The following ERBB4 variants were observed in gnomAD, a reference collection of about 807,000 sequenced individuals.
The protein encoded by ERBB4 is receptor tyrosine-protein kinase erbB-4.
A neutral mutation model predicts 158.0 loss-of-function variants in ERBB4; 42 were observed. The ratio of observed to expected loss-of-function variants is 0.27; its 90% CI spans 0.21 to 0.34. The LOEUF (loss-of-function observed/expected upper bound fraction) is 0.34. ERBB4 is among the 10% of genes least tolerant of loss of function. ERBB4 has a pLI of 1.00. For missense variants in ERBB4, 1,333 were observed against 1,624.1 expected (o/e 0.82, Z 3.08); for synonymous variants, 583 against 558.7 (o/e 1.04, Z -0.61).
In ERBB4 at chr2:211,377,622, T is replaced by C; in HGVS notation, c.*5993A>G. 1 of 232,348 alleles carries C rather than the reference T, an allele frequency of 4.3e-6. No individual in the cohort carries two copies. Among genetic ancestry groups the C allele is most frequent in the East Asian group, 6.1e-5 (1 of 16,448 alleles). 14.4% of individuals were successfully genotyped at this position (232,348 alleles called of 1,614,324 possible). The stretch of plus-strand genomic sequence containing the variant: ...TGAATAGCCTTTACCTTTATGATAA[T>C]AAGACTCCTCATTTGGGAGAAAAAA... On this transcript the variant is annotated 3_prime_UTR_variant, in exon 28 of 28. Coordinates refer to ENST00000342788, the MANE Select transcript of ERBB4 (RefSeq NM_005235.3).
chr2:211,585,260 G>A (rs1436029226), intron 19 of ERBB4, among the ~76,000 whole-genome samples: 1 of 149,370 alleles, frequency 6.7e-6, no homozygotes. Context: ...ACTGAGGCAG[G>A]AGAATGGCGT....
At chr2:212,161,154 A>G (rs761832872) in intron 1 of ERBB4, among the ~76,000 whole-genome samples, 11 of 151,944 alleles carry the variant, frequency 7.2e-5, no homozygotes, top group Non-Finnish European at 1.5e-4. Context: ...AACAACTCAA[A>G]AAGTCTTTAA....
chr2:211,641,900 A>G (rs974730292), intron 16 of ERBB4, among the ~76,000 whole-genome samples: 1 of 148,408 alleles, frequency 6.7e-6, no homozygotes, highest in Non-Finnish European at 1.5e-5. Flanking sequence ...AAAGTAAATT[A>G]TAAGCCCCAT....
intron 1 of ERBB4, among the ~76,000 whole-genome samples, chr2:212,150,976 C>T (rs2080848338): frequency 6.6e-6 from 1 of 152,074 alleles, no homozygotes; most frequent in Non-Finnish European, 1.5e-5. Flanking sequence ...CCTTCTCCAA[C>T]AGAAATATTG....
At chr2:211,853,547 C>A (rs563089087) in intron 3 of ERBB4, among the ~76,000 whole-genome samples, 12 of 152,074 alleles carry the variant, frequency 7.9e-5, no homozygotes, top group Non-Finnish European at 1.6e-4. Flanking sequence ...AGATCATTAG[C>A]CTCTTTCCTT....
At chr2:212,374,711 G>A (rs368024123) in intron 1 of ERBB4, among the ~76,000 whole-genome samples, 1 of 151,806 alleles carries the variant, frequency 6.6e-6, no homozygotes, top group Non-Finnish European at 1.5e-5. Flanking sequence ...TCCATTCTTG[G>A]CCTCCAGAAA....
At chr2:211,765,625 A>G (rs1297084077) in intron 4 of ERBB4, among the ~76,000 whole-genome samples, 1 of 152,192 alleles carries the variant, frequency 6.6e-6, no homozygotes, top group Non-Finnish European at 1.5e-5. Context: ...CCTGTCCAGT[A>G]TACAACTATA....
chr2:211,830,295 G>T (rs997072782), intron 3 of ERBB4, among the ~76,000 whole-genome samples: 1 of 152,090 alleles, frequency 6.6e-6, no homozygotes, highest in East Asian at 1.9e-4. Flanking sequence ...ATCAGTATCT[G>T]CTTCCCTGAT....
intron 1 of ERBB4, among the ~76,000 whole-genome samples, chr2:212,513,790 C>A (rs748882544): frequency 2.5e-4 from 38 of 149,736 alleles, no homozygotes; most frequent in Admixed American, 5.3e-4. Context: ...CCAGCCTGGG[C>A]GACACGGCGA....
At chr2:211,818,295 A>T (rs2076921612) in intron 3 of ERBB4, among the ~76,000 whole-genome samples, 1 of 152,158 alleles carries the variant, frequency 6.6e-6, no homozygotes, top group African/African-American at 2.4e-5. Context: ...CTGTTGGTGC[A>T]GAAGTTGTGG....
At chr2:211,818,048 ATTGT>A (rs2076915893) in intron 3 of ERBB4, among the ~76,000 whole-genome samples, 1 of 152,088 alleles carries the variant, frequency 6.6e-6, no homozygotes, top group Admixed American at 6.6e-5. Flanking sequence ...GATATTACAC[ATTGT>A]TTTTCTCTTC....
intron 1 of ERBB4, among the ~76,000 whole-genome samples, chr2:212,437,171 T>A (rs2092156372): frequency 6.6e-6 from 1 of 152,060 alleles, no homozygotes; most frequent in South Asian, 2.1e-4. Flanking sequence ...GTGGTCTTTT[T>A]TCTGCATTCC....
chr2:211,972,836 C>T (rs999824376), intron 2 of ERBB4, among the ~76,000 whole-genome samples: 4 of 152,136 alleles, frequency 2.6e-5, no homozygotes, highest in Non-Finnish European at 4.4e-5. Context: ...ATTTAGGACA[C>T]AGACACAGGC....
intron 8 of ERBB4, among the ~76,000 whole-genome samples, chr2:211,712,575 T>C (rs2073740724): frequency 6.6e-6 from 1 of 152,134 alleles, no homozygotes; most frequent in African/African-American, 2.4e-5. Flanking sequence ...TTTAGCAAAA[T>C]GATTTCATGG....
rs146531409 is a variant in ERBB4 at position 212,156,783 on chromosome 2, C to T, written c.83-31880G>A. Among the ~76,000 whole-genome samples the T allele has an allele frequency of 5.1e-4, 78 of 152,234 alleles. 1 individual carries two copies. The Middle Eastern group carries it at 0.014, about 27-fold the overall frequency. ...CCTCCATCCAATCAGTTGTCCAAGACAGAGACACACTGGCCTCCTTTCTCT... is the reference window on the plus strand; with the variant it reads ...CCTCCATCCAATCAGTTGTCCAAGATAGAGACACACTGGCCTCCTTTCTCT... On this transcript the variant is annotated intron_variant, in intron 1 of 27. Transcript: ENST00000342788.
chr2:212,168,578 A>G (rs897397577), intron 1 of ERBB4, among the ~76,000 whole-genome samples: 1 of 152,172 alleles, frequency 6.6e-6, no homozygotes, highest in Non-Finnish European at 1.5e-5. Context: ...ATATCAGCAA[A>G]TTAGGATACG....
At chr2:211,890,864 A>C in intron 3 of ERBB4, among the ~76,000 whole-genome samples, 1 of 57,700 alleles carries the variant, frequency 1.7e-5, no homozygotes, top group Admixed American at 2.0e-4. Flanking sequence ...AACTATCCTA[A>C]ATATATATGC....
At chr2:211,784,052 A>T (rs1000404279) in intron 4 of ERBB4, among the ~76,000 whole-genome samples, 1 of 152,150 alleles carries the variant, frequency 6.6e-6, no homozygotes, top group Non-Finnish European at 1.5e-5. Flanking sequence ...AGAGCCTGTT[A>T]TTGGTCTATT....
intron 3 of ERBB4, among the ~76,000 whole-genome samples, chr2:211,872,358 A>C (rs1288292981): frequency 6.6e-6 from 1 of 152,168 alleles, no homozygotes; most frequent in Non-Finnish European, 1.5e-5. Context: ...TAATAGAATT[A>C]TGTGTGTACC....
Sources: allele counts gnomAD v4.1 joint callset (sites outside exome capture counted in the v4.1 genomes callset), GRCh38; gene constraint gnomAD v4.1.1; transcripts MANE v1.5; gene names NCBI Gene and HGNC (gene_info 2026-07-23, HGNC 2026-07-21).